Variants in S100A10 observed in about 807,000 individuals in gnomAD.
The protein encoded by S100A10 is S100 calcium binding protein A10.
S100A10 carries 3 observed loss-of-function variants against 7.1 expected under a neutral mutation model. That is an observed-to-expected ratio of 0.42 (90% CI 0.19 to 1.10). S100A10 has a LOEUF of 1.10. Ranked by LOEUF, S100A10 falls within the 50% of genes least tolerant of loss-of-function variation. The probability of loss-of-function intolerance (pLI) is 0.29; values close to 1 mark genes in which losing one functional copy is unlikely to be tolerated. For synonymous variants in S100A10, 41 were observed against 39.3 expected (o/e 1.04, Z -0.16); for missense variants, 101 against 118.1 (o/e 0.86, Z 0.67).
At chr1:151,992,604 G>GT (rs1197138205) in intron 1 of S100A10, 3 of 152,306 alleles carry the variant, frequency 2.0e-5, no homozygotes, top group African/African-American at 7.2e-5. Flanking sequence ...TCCACCGAGA[G>GT]TATCTGCAAC....
chr1:151,986,385 T>C (rs1655792252), intron 1 of S100A10, 134 bp from the exon 2 acceptor site: 1 of 614,700 alleles, frequency 1.6e-6, no homozygotes, highest in South Asian at 2.7e-5. Context: ...TTCAGGTATA[T>C]ATACATTGTG....
At chr1:151,984,132 G>A (rs775395506) in intron 2 of S100A10, 1 of 152,190 alleles carries the variant, frequency 6.6e-6, no homozygotes, top group Non-Finnish European at 1.5e-5. Context: ...AAGCGGTAAG[G>A]TGTGGTTTTT....
At chr1:151,987,624 C>G (rs1655820923) in intron 1 of S100A10, among the ~76,000 whole-genome samples, 1 of 148,274 alleles carries the variant, frequency 6.7e-6, no homozygotes, top group South Asian at 2.1e-4. Context: ...GCTGCAAGCT[C>G]CGCTTCCTGG....
At chr1:151,989,960 T>C (rs74501641) in intron 1 of S100A10, among the ~76,000 whole-genome samples, 4,968 of 152,284 alleles carry the variant, frequency 0.033, 85 homozygotes, top group African/African-American at 0.047. Flanking sequence ...TCAATTTCAT[T>C]TAATTGTTTA....
chr1:151,987,534 TATTC>T (rs1156599629), intron 1 of S100A10, among the ~76,000 whole-genome samples: 1 of 137,608 alleles, frequency 7.3e-6, no homozygotes, highest in African/African-American at 2.6e-5. Flanking sequence ...GGTATATATG[TATTC>T]TTTTTTTTTT....
chr1:151,988,212 A>C (rs1036666858), intron 1 of S100A10, among the ~76,000 whole-genome samples: 2 of 152,258 alleles, frequency 1.3e-5, no homozygotes, highest in African/African-American at 4.8e-5. Flanking sequence ...CTTAATTGGA[A>C]GGAATCATTT....
At chr1:151,986,499 A>G (rs1655794409) in intron 1 of S100A10, among the ~76,000 whole-genome samples, 1 of 152,240 alleles carries the variant, frequency 6.6e-6, no homozygotes, top group South Asian at 2.1e-4. Context: ...AGAATACAAT[A>G]CATTGTAATT....
chr1:151,983,332 A>G lies in S100A10; in HGVS notation c.133-8T>C. 2 of 1,523,356 alleles carry G rather than the reference A, an allele frequency of 1.3e-6. No individual in the cohort carries two copies. The highest frequency in any genetic ancestry group is 8.8e-7 in the Non-Finnish European group (1 of 1,140,236). The allele number at this position is 1,523,356 out of a possible 1,614,324, so 94.4% of individuals were successfully genotyped here. ...CAGAGGGTCTTTTTGATTCTGAAAA[A>G]AAAAAGAACAAAGGCAAGAAATAGA... On this transcript the variant is annotated splice_polypyrimidine_tract_variant and splice_region_variant and intron_variant, in intron 2 of 2. Coordinates refer to ENST00000368811, the MANE Select transcript of S100A10 (RefSeq NM_002966.3).
At chr1:151,984,591 A>G (rs1461978166) in intron 2 of S100A10, among the ~76,000 whole-genome samples, 1 of 152,142 alleles carries the variant, frequency 6.6e-6, no homozygotes, top group Non-Finnish European at 1.5e-5. Context: ...TATACCCTTT[A>G]TGTGTCTGAT....
At chr1:151,983,652 T>C (rs536885723) in intron 2 of S100A10, among the ~76,000 whole-genome samples, 1 of 152,270 alleles carries the variant, frequency 6.6e-6, no homozygotes, top group African/African-American at 2.4e-5. Flanking sequence ...TGAAAAGATA[T>C]TTATGATTTA....
In S100A10 at chr1:151,993,256, C is replaced by G. The variant is rs1029065382; in HGVS notation, c.-22+496G>C. The stretch of plus-strand genomic sequence containing the variant: ...CGGACTAAGGGTTACGGAAGGGACG[C>G]CCCAGCTGCCTACTCGTCCTACCCG... On this transcript the variant is annotated intron_variant, in intron 1 of 2. Transcript: ENST00000368811. This position sits in a 1 kb window ranked among gnomAD's most constrained non-coding sequence, Gnocchi z 5.1. Among the ~76,000 whole-genome samples the G allele has an allele frequency of 5.0e-4, 76 of 152,298 alleles. No individual in the cohort carries two copies. The highest frequency in any genetic ancestry group is 1.8e-3 in the African/African-American group (75 of 41,564).
chr1:151,993,080 T>A lies in S100A10; in HGVS notation c.-22+672A>T, dbSNP rs1315268348. On this transcript the variant is annotated intron_variant, in intron 1 of 2. Transcript: ENST00000368811. The surrounding 1 kb of genome is among the most constrained non-coding windows in gnomAD (Gnocchi z 5.1). ...TAAGACAGCAAGGGAACCCTTTCAG[T>A]AGAGAAACCACGTCACACAGGGCCC... Among the ~76,000 whole-genome samples, 5 of 152,170 alleles carry A rather than the reference T, an allele frequency of 3.3e-5. No individual in the cohort carries two copies. The highest frequency in any genetic ancestry group is 6.5e-5 in the Admixed American group (1 of 15,288).
At chr1:151,987,285 C>CGTGAG in intron 1 of S100A10, among the ~76,000 whole-genome samples, 1 of 151,792 alleles carries the variant, frequency 6.6e-6, no homozygotes, top group Admixed American at 6.6e-5. Context: ...GGATTACAGG[C>CGTGAG]CACTGCGCCC....
chr1:151,983,327 G>GAAA lies in S100A10; in HGVS notation c.133-6_133-4dup. ...ACAGCCAGAGGGTCTTTTTGATTCT[G>GAAA]AAAAAAAAAAGAACAAAGGCAAGAA... On this transcript the variant is annotated splice_region_variant and splice_polypyrimidine_tract_variant and intron_variant, in intron 2 of 2. Transcript: ENST00000368811. 4 of 1,386,222 alleles carry GAAA rather than the reference G, an allele frequency of 2.9e-6. No individual in the cohort carries two copies. The highest frequency in any genetic ancestry group is 1.5e-5 in the South Asian group (1 of 68,134). 85.9% of individuals were successfully genotyped at this position (1,386,222 alleles called of 1,614,324 possible).
chr1:151,992,084 T>C (rs944883378), intron 1 of S100A10, among the ~76,000 whole-genome samples: 1 of 152,140 alleles, frequency 6.6e-6, no homozygotes, highest in Non-Finnish European at 1.5e-5. Flanking sequence ...AAATACACCA[T>C]TTGGAAGGGA....
intron 1 of S100A10, among the ~76,000 whole-genome samples, chr1:151,992,994 T>C (rs1655938417): frequency 6.6e-6 from 1 of 152,210 alleles, no homozygotes; most frequent in Non-Finnish European, 1.5e-5. Context: ...CAAATTAATC[T>C]ATGATTGGAA....
At chr1:151,992,735 G>C (rs1378596012) in intron 1 of S100A10, among the ~76,000 whole-genome samples, 1 of 152,184 alleles carries the variant, frequency 6.6e-6, no homozygotes, top group African/African-American at 2.4e-5. Flanking sequence ...CTGGGTGGGG[G>C]CAGAAAACGG....
intron 1 of S100A10, among the ~76,000 whole-genome samples, chr1:151,992,039 A>G (rs2101771773): frequency 6.6e-6 from 1 of 152,348 alleles, no homozygotes; most frequent in Admixed American, 6.5e-5. Context: ...ATCAAGGGCC[A>G]CAGTGAAGAA....
chr1:151,986,395 G>T, intron 1 of S100A10, 144 bp from the exon 2 acceptor site: 1 of 567,666 alleles, frequency 1.8e-6, no homozygotes, highest in Non-Finnish European at 3.0e-6. Flanking sequence ...TATACATTGT[G>T]GGATGACTGA....
Sources: allele counts gnomAD v4.1 joint callset (sites outside exome capture counted in the v4.1 genomes callset), GRCh38; gene constraint gnomAD v4.1.1; non-coding constraint Gnocchi (gnomAD v3.1); transcripts MANE v1.5; gene names NCBI Gene and HGNC (gene_info 2026-07-23, HGNC 2026-07-21).